The following ZMYM2 variants were observed in gnomAD, a reference collection of about 807,000 sequenced individuals.
ZMYM2 encodes the protein zinc finger MYM-type containing 2, also known as zinc finger MYM-type protein 2.
Under a neutral mutation model 162.8 loss-of-function variants are expected in ZMYM2, and 56 were observed. The ratio of observed to expected loss-of-function variants is 0.34; its 90% CI spans 0.28 to 0.43. The LOEUF (loss-of-function observed/expected upper bound fraction) is 0.43. Among genes scored for constraint, ZMYM2 ranks in the 20% least tolerant of loss-of-function variants. The pLI is 1.00. For synonymous variants in ZMYM2, 510 were observed against 541.6 expected (o/e 0.94, Z 0.81); for missense variants, 1,275 against 1,621.8 (o/e 0.79, Z 3.67).
At position 19,995,750 on chromosome 13, in the gene ZMYM2, C is replaced by T. The variant is rs532875399; in HGVS notation, c.847+1831C>T. 2.6e-5 allele frequency among the ~76,000 whole-genome samples: 4 copies of T among 152,198 alleles called. No homozygotes were observed. The East Asian group carries it at 7.7e-4, about 29-fold the overall frequency. ...ATTGTTTTCTGTGAGCAGCCTTGTT[C>T]TGTGAAAACTTTAAAATATGGAAGT... is the stretch of plus-strand genomic sequence containing the variant. On this transcript the variant is annotated intron_variant, in intron 3 of 24. Transcript: ENST00000610343.
chr13:20,042,204 T>C lies in ZMYM2; in HGVS notation c.2292+5295T>C, dbSNP rs145796983. On this transcript the variant is annotated intron_variant, in intron 12 of 24. Coordinates refer to ENST00000610343, the MANE Select transcript of ZMYM2 (RefSeq NM_197968.4). ...TCTTTCAGGGACACCAGTTGAGTTA[T>C]AGATTTGGTCTCTTTACGTAATGCC... 1.1e-3 allele frequency among the ~76,000 whole-genome samples: 172 copies of C among 152,320 alleles called. 1 individual carries two copies. In the Middle Eastern group the frequency reaches 0.017, roughly 15 times the overall value.
At chr13:20,071,818 C>CT (rs1346839600) in intron 21 of ZMYM2, 1 of 183,332 alleles carries the variant, frequency 5.5e-6, no homozygotes, top group African/African-American at 2.4e-5. Context: ...CAGACCCCAT[C>CT]TTTCTGCCTC....
the ZMYM2 span, among the ~76,000 whole-genome samples, chr13:19,913,806 C>T: frequency 6.6e-6 from 1 of 152,192 alleles, no homozygotes; most frequent in African/African-American, 2.4e-5. Flanking sequence ...TTACATGAAG[C>T]ATTCGCCTGA....
At chr13:20,033,262 T>C (rs968883829) in intron 10 of ZMYM2, among the ~76,000 whole-genome samples, 2 of 152,110 alleles carry the variant, frequency 1.3e-5, no homozygotes, top group African/African-American at 4.8e-5. Context: ...ACTGCATTTA[T>C]GTCAATGCTA....
Position 20,088,792 on chromosome 13 carries a change from T to C in ZMYM2, c.*2778T>C, listed in dbSNP as rs961001100. 1 of 194,938 alleles carries C rather than the reference T, an allele frequency of 5.1e-6. No individual in the cohort carries two copies. The highest frequency in any genetic ancestry group is 1.1e-5 in the Non-Finnish European group (1 of 93,572). 12.1% of individuals were successfully genotyped at this position (194,938 alleles called of 1,614,324 possible). On this transcript the variant is annotated 3_prime_UTR_variant, in exon 25 of 25. Coordinates refer to ENST00000610343, the MANE Select transcript of ZMYM2 (RefSeq NM_197968.4). Reference sequence around the variant, plus strand: ...TCTGACAGACTTTCCCTTTGTCCTTTCTAGTTATGACTTGGGAATGGGGTA... The same window carrying C: ...TCTGACAGACTTTCCCTTTGTCCTTCCTAGTTATGACTTGGGAATGGGGTA...
chr13:20,010,792 C>T (rs1322154736), intron 6 of ZMYM2, among the ~76,000 whole-genome samples: 1 of 151,088 alleles, frequency 6.6e-6, no homozygotes, highest in African/African-American at 2.5e-5. Flanking sequence ...AGGTGCGTGC[C>T]ACCACACCTG....
intron 2 of ZMYM2, among the ~76,000 whole-genome samples, chr13:19,988,232 TCTTA>T (rs1482579352): frequency 3.9e-5 from 6 of 152,230 alleles, no homozygotes; most frequent in Non-Finnish European, 5.9e-5. Context: ...TATTTCATTT[TCTTA>T]CTTTGTTGAG....
At chr13:20,045,181 T>G (rs953865046) in intron 12 of ZMYM2, among the ~76,000 whole-genome samples, 1 of 152,078 alleles carries the variant, frequency 6.6e-6, no homozygotes, top group Non-Finnish European at 1.5e-5. Context: ...TATCAAGGTA[T>G]TGGTATTAAA....
chr13:20,037,284 C>T (rs905285370), intron 12 of ZMYM2, among the ~76,000 whole-genome samples: 3 of 137,806 alleles, frequency 2.2e-5, no homozygotes, highest in African/African-American at 5.6e-5. Flanking sequence ...GGCACCATCT[C>T]GGCTCACTGC....
chr13:20,042,374 G>A (rs1232475943), intron 12 of ZMYM2, among the ~76,000 whole-genome samples: 1 of 152,042 alleles, frequency 6.6e-6, no homozygotes, highest in Non-Finnish European at 1.5e-5. Context: ...ATTGCCTTAT[G>A]AAATTCTCGT....
chr13:19,955,138 AATT>A (rs58375933), upstream of ZMYM2, among the ~76,000 whole-genome samples: 3,517 of 149,674 alleles, frequency 0.023, 138 homozygotes, highest in African/African-American at 0.078. Context: ...TAGTTACTGC[AATT>A]ATTATTATTA....
intron 1 of ZMYM2, among the ~76,000 whole-genome samples, chr13:19,959,599 G>C (rs1954952528): frequency 6.6e-6 from 1 of 152,138 alleles, no homozygotes; most frequent in African/African-American, 2.4e-5. Context: ...ATTGGTACTT[G>C]GAGTGACGGG....
In ZMYM2 at chr13:19,993,295, G is replaced by A; in HGVS notation, c.223G>A (p.Val75Met). ...ACAACCTCCCCCACCTTCTGTACCA[G>A]TGGTAGCTGATCAAAGAACCATAAC... ...PVQPPPPSVP[V>M]VADQRTITFT... The change falls in exon 3 of 25, where the codon GTG (valine) becomes ATG (methionine). Residue 75 changes from valine to methionine, a missense_variant. By Grantham distance (21) the Val-to-Met change is conservative. This residue lies in a region of ZMYM2 where 295 missense variants were observed against 286.7 expected (regional missense o/e 1.03). Transcript: ENST00000610343. 2 of 1,613,952 alleles carry A rather than the reference G, an allele frequency of 1.2e-6. No homozygotes were observed. Among genetic ancestry groups the A allele is most frequent in the Non-Finnish European group, 1.7e-6 (2 of 1,179,884 alleles).
At chr13:19,879,894 C>G in the ZMYM2 span, among the ~76,000 whole-genome samples, 1 of 152,202 alleles carries the variant, frequency 6.6e-6, no homozygotes, top group Non-Finnish European at 1.5e-5. Flanking sequence ...TCGGCCCTCA[C>G]TAATGTGCGT....
the ZMYM2 span, among the ~76,000 whole-genome samples, chr13:19,876,319 C>T: frequency 6.6e-6 from 1 of 151,872 alleles, no homozygotes; most frequent in Non-Finnish European, 1.5e-5. Flanking sequence ...TGAGCCACTA[C>T]GCCTGGCTCT....
intron 19 of ZMYM2, among the ~76,000 whole-genome samples, chr13:20,065,809 AG>A (rs1318002693): frequency 6.6e-6 from 1 of 152,184 alleles, no homozygotes; most frequent in East Asian, 1.9e-4. Flanking sequence ...CTTACCTGGC[AG>A]GGGAGATACC....
the ZMYM2 span, among the ~76,000 whole-genome samples, chr13:19,943,591 A>G: frequency 6.6e-5 from 10 of 152,160 alleles, no homozygotes; most frequent in Non-Finnish European, 1.3e-4. Context: ...CTCGCTGGGC[A>G]TTTTGAAGTC....
At chr13:19,930,218 T>C in the ZMYM2 span, among the ~76,000 whole-genome samples, 1 of 152,116 alleles carries the variant, frequency 6.6e-6, no homozygotes, top group East Asian at 1.9e-4. Flanking sequence ...CTGGCCAACA[T>C]GGTGAAACCC....
At chr13:19,879,501 A>G in the ZMYM2 span, among the ~76,000 whole-genome samples, 39 of 152,196 alleles carry the variant, frequency 2.6e-4, no homozygotes, top group Non-Finnish European at 4.0e-4. Context: ...ATTCTGTTCC[A>G]TTGATCTATG....
Sources: gnomAD v4.1 joint callset for allele counts (sites outside exome capture counted in the v4.1 genomes callset) on GRCh38, gnomAD v4.1.1 for gene constraint, gnomAD v4.1.1 regional missense constraint, MANE v1.5 for transcripts, NCBI Gene and HGNC (gene_info 2026-07-23, HGNC 2026-07-21) for gene names.